KIR2DL1: variants seen among roughly 807,000 people sequenced by gnomAD.
KIR2DL1 encodes killer cell immunoglobulin-like receptor 2DL1.
KIR2DL1 carries 38 observed loss-of-function variants against 33.9 expected under a neutral mutation model. That is an observed-to-expected ratio of 1.12 (90% CI 0.86 to 1.47). The LOEUF is 1.47. KIR2DL1 is among the 40% of genes most tolerant of loss of function. The probability of loss-of-function intolerance (pLI) is 0.00; values close to 1 mark genes in which losing one functional copy is unlikely to be tolerated. For synonymous variants in KIR2DL1, 179 were observed against 165.9 expected, an observed-to-expected ratio of 1.08 and a Z score of -0.61; for missense variants, 531 against 433.9, an observed-to-expected ratio of 1.22 and a Z score of -1.99.
At chr19:54,773,229 GGA>G in intron 2 of KIR2DL1, 102 bp from the exon 3 acceptor site, 2 of 1,276,832 alleles carry the variant, frequency 1.6e-6, no homozygotes. Flanking sequence ...CAGAGAGGAA[GGA>G]GAGAGATAAG....
Position 54,781,999 on chromosome 19 carries a change from C to T in KIR2DL1, c.716-923C>T, listed in dbSNP as rs371141383. Among the ~76,000 whole-genome samples, 9 of 152,148 alleles carry T rather than the reference C, an allele frequency of 5.9e-5. No homozygotes were observed. In the South Asian group the frequency reaches 6.2e-4, roughly 11 times the overall value. ...AGGGAGACAGAACACACAGAGAATACGTTACATAGGCAGGTTCATTACTAA... is the reference window on the plus strand; with the variant it reads ...AGGGAGACAGAACACACAGAGAATATGTTACATAGGCAGGTTCATTACTAA... On this transcript the variant is annotated intron_variant, in intron 5 of 7. Coordinates refer to ENST00000336077, the MANE Select transcript of KIR2DL1 (RefSeq NM_014218.3).
Position 54,782,962 on chromosome 19 carries a change from G to A in KIR2DL1, c.756G>A (p.Val252=), listed in dbSNP as rs1369340318. 8.7e-6 allele frequency: 14 copies of A among 1,613,488 alleles called. No individual in the cohort carries two copies. Among genetic ancestry groups the A allele is most frequent in the East Asian group, 2.2e-5 (1 of 44,884 alleles). The change falls in exon 6 of 8, where the codon GTG becomes GTA. Residue 252 remains valine (V), a synonymous_variant. Transcript: ENST00000336077. The part of the protein sequence containing the change: ...RHLHILIGTS[V]VIILFILLFF... ...TGCACATTCTGATTGGGACCTCAGT[G>A]GTCATCATCCTCTTCATCCTCCTCT...
chr19:54,776,770 A>G (rs1311782948), intron 4 of KIR2DL1, among the ~76,000 whole-genome samples: 3 of 145,692 alleles, frequency 2.1e-5, no homozygotes, highest in Non-Finnish European at 3.0e-5. Context: ...CCTCCCTAGT[A>G]GCTGGGATTA....
At chr19:54,780,913 G>T (rs62123003) in intron 5 of KIR2DL1, among the ~76,000 whole-genome samples, 11 of 98,766 alleles carry the variant, frequency 1.1e-4, no homozygotes, top group Middle Eastern at 4.6e-3. Context: ...AGTGGCTCAC[G>T]CCTGTAACCT....
Position 54,783,007 on chromosome 19 carries a change from G to A in KIR2DL1, c.801G>A (p.Trp267Ter), listed in dbSNP as rs1405154131. The change falls in exon 6 of 8, where the codon TGG becomes TGA. Residue 267 changes from tryptophan (W) to a stop codon, truncating the protein, a stop_gained. Coordinates refer to ENST00000336077, the MANE Select transcript of KIR2DL1 (RefSeq NM_014218.3). LOFTEE classifies it high-confidence loss of function. ...FILLFFLLHR[W>*]CSNKKNAAVM... The stretch of plus-strand genomic sequence containing the variant: ...TCCTCTTCTTTCTCCTTCATCGCTG[G>A]TGCTCCAACAAAAAAAGTAAGTCTC... 35 of 1,613,452 alleles carry A rather than the reference G, an allele frequency of 2.2e-5. No homozygotes were observed. The highest frequency in any genetic ancestry group is 1.9e-4 in the African/African-American group (14 of 74,936).
At chr19:54,774,573 G>C (rs2076110275) in intron 3 of KIR2DL1, among the ~76,000 whole-genome samples, 2 of 148,294 alleles carry the variant, frequency 1.3e-5, no homozygotes, top group Admixed American at 1.4e-4. Context: ...ATACATAGAT[G>C]ATGATTGATT....
chr19:54,781,966 G>A (rs927631191), intron 5 of KIR2DL1, among the ~76,000 whole-genome samples: 7 of 152,012 alleles, frequency 4.6e-5, no homozygotes, highest in South Asian at 2.1e-4. Context: ...ATCACTCACC[G>A]TCACTCCAGG....
At position 54,770,780 on chromosome 19, in the gene KIR2DL1, C is replaced by A. The variant is rs1217499164; in HGVS notation, c.35-69C>A. 1.4e-5 allele frequency: 22 copies of A among 1,557,008 alleles called. 1 individual carries two copies. Among genetic ancestry groups the A allele is most frequent in the Middle Eastern group, 3.4e-4 (2 of 5,948 alleles). On this transcript the variant is annotated intron_variant, in intron 1 of 7. Coordinates refer to ENST00000336077, the MANE Select transcript of KIR2DL1 (RefSeq NM_014218.3). ...GGGCCTGGCTACCAAGACTCACAGC[C>A]CAGTGGGGGCAGCAAGGGTGCCCTG...
intron 2 of KIR2DL1, among the ~76,000 whole-genome samples, chr19:54,771,957 G>A (rs1230471242): frequency 1.4e-5 from 2 of 147,900 alleles, no homozygotes; most frequent in Non-Finnish European, 3.0e-5. Context: ...CTCCTGGTGG[G>A]CGTGTCCTTG....
In KIR2DL1 at chr19:54,772,993, C is replaced by T. The variant is rs919679930; in HGVS notation, c.71-340C>T. Among the ~76,000 whole-genome samples, 236 of 148,354 alleles carry T rather than the reference C, an allele frequency of 1.6e-3. 1 individual carries two copies. The highest frequency in any genetic ancestry group is 0.012 in the Admixed American group (180 of 14,560). On this transcript the variant is annotated intron_variant, in intron 2 of 7. Coordinates refer to ENST00000336077, the MANE Select transcript of KIR2DL1 (RefSeq NM_014218.3). ...TTCGTCCAAAAGAGATTGAACCAGGCTGCTAAGAGCCTGGATGTGCAGCCT... is the reference window on the plus strand; with the variant it reads ...TTCGTCCAAAAGAGATTGAACCAGGTTGCTAAGAGCCTGGATGTGCAGCCT...
Position 54,783,099 on chromosome 19 carries a change from T to A in KIR2DL1, c.817+76T>A, listed in dbSNP as rs1384633805. The stretch of plus-strand genomic sequence containing the variant: ...AGGATGGGAGCACTCAGGTGTGTGT[T>A]CCTCACAAACAGGATGGTCCCTGGC... On this transcript the variant is annotated intron_variant, in intron 6 of 7. Transcript: ENST00000336077. The A allele has an allele frequency of 5.3e-6, 8 of 1,513,476 alleles. No individual in the cohort carries two copies. The African/African-American group carries it at 9.6e-5, about 18-fold the overall frequency. The allele number at this position is 1,513,476 out of a possible 1,614,324, so 93.8% of individuals were successfully genotyped here.
At chr19:54,770,786 G>C in intron 1 of KIR2DL1, 63 bp from the exon 2 acceptor site, 1 of 1,503,174 alleles carries the variant, frequency 6.7e-7, no homozygotes, top group Admixed American at 1.7e-5. Flanking sequence ...CAGCCCAGTG[G>C]GGGCAGCAAG....
chr19:54,770,429 T>G, intron 1 of KIR2DL1, among the ~76,000 whole-genome samples: 1 of 128,950 alleles, frequency 7.8e-6, no homozygotes, highest in Admixed American at 8.1e-5. Flanking sequence ...GGCCTGGGTG[T>G]GGAGATATGG....
rs1418553967 is a variant in KIR2DL1, at chr19:54,771,772, C to G, written c.70+888C>G. ...AGCTCTACAACATAATATTCTGGAA[C>G]AGCCTTTTCATGGGCCCTGTGACCC... On this transcript the variant is annotated intron_variant, in intron 2 of 7. Coordinates refer to ENST00000336077, the MANE Select transcript of KIR2DL1 (RefSeq NM_014218.3). Among the ~76,000 whole-genome samples the G allele has an allele frequency of 2.1e-4, 31 of 146,370 alleles. 1 individual carries two copies. Among genetic ancestry groups the G allele is most frequent in the African/African-American group, 3.0e-4 (12 of 39,808 alleles).
intron 5 of KIR2DL1, chr19:54,780,232 T>G (rs2076793524): frequency 2.1e-6 from 1 of 465,238 alleles, no homozygotes; most frequent in Non-Finnish European, 3.8e-6. Context: ...TAGATAATGC[T>G]GAGTGTATGA....
chr19:54,771,001 T>A, intron 2 of KIR2DL1, 117 bp downstream of exon 2: 1 of 1,420,312 alleles, frequency 7.0e-7, no homozygotes, highest in Non-Finnish European at 9.8e-7. Context: ...GACCCTGGGG[T>A]GCTGGGCCCA....
At chr19:54,773,304 C>T (rs1363865460) in intron 2 of KIR2DL1, 29 bp from the exon 3 acceptor site, 1 of 1,572,282 alleles carries the variant, frequency 6.4e-7, no homozygotes, top group Non-Finnish European at 8.7e-7. Context: ...AAGAGAGACA[C>T]CTTCTAAACT....
chr19:54,773,895 C>G (rs1481087556), intron 3 of KIR2DL1, among the ~76,000 whole-genome samples: 5 of 148,466 alleles, frequency 3.4e-5, no homozygotes, highest in South Asian at 2.1e-4. Flanking sequence ...ACAGACATGT[C>G]CCAGAGAGAG....
Position 54,782,979 on chromosome 19 carries a change from T to C in KIR2DL1, c.773T>C (p.Ile258Thr). Reference protein sequence around the residue: ...IGTSVVIILFILLFFLLHRWC... With the variant: ...IGTSVVIILFTLLFFLLHRWC... ...ACCTCAGTGGTCATCATCCTCTTCA[T>C]CCTCCTCTTCTTTCTCCTTCATCGC... Residue 258 changes from isoleucine to threonine, a missense_variant, in exon 6 of 8, where the codon ATC becomes ACC. Physicochemically the swap from Ile to Thr is moderately conservative, Grantham distance 89 (BLOSUM62 -1). Transcript: ENST00000336077. 1 of 1,613,570 alleles carries C rather than the reference T, an allele frequency of 6.2e-7. No individual in the cohort carries two copies. The highest frequency in any genetic ancestry group is 8.5e-7 in the Non-Finnish European group (1 of 1,179,792).
Sources: gnomAD v4.1 joint callset for allele counts (sites outside exome capture counted in the v4.1 genomes callset) on GRCh38, gnomAD v4.1.1 for gene constraint, MANE v1.5 for transcripts, NCBI Gene and HGNC (gene_info 2026-07-23, HGNC 2026-07-21) for gene names.